Variants in SERINC5 observed in about 807,000 individuals in gnomAD.
The protein encoded by SERINC5 is chromosome 5 open reading frame 12.
In SERINC5, 41 loss-of-function variants were observed where a neutral mutation model predicts 63.1. That is an observed-to-expected ratio of 0.65 (90% CI 0.51 to 0.84). SERINC5 has a LOEUF of 0.84. Ranked by LOEUF, SERINC5 falls within the 40% of genes least tolerant of loss-of-function variation. The pLI is 0.00. For missense variants in SERINC5, 523 were observed against 573.0 expected, an observed-to-expected ratio of 0.91 and a Z score of 0.89; for synonymous variants, 222 against 215.2, an observed-to-expected ratio of 1.03 and a Z score of -0.28.
chr5:80,192,166 C>A lies in SERINC5; in HGVS notation c.195+10720G>T, dbSNP rs577240443. ...CTGGCTCTTTGTAAGAAAAGTCTGC[C>A]CCACCCCTGCGCTACTAGGAAGAAT... On this transcript the variant is annotated intron_variant, in intron 2 of 11. Coordinates refer to ENST00000507668, the MANE Select transcript of SERINC5 (RefSeq NM_001174072.3). Among the ~76,000 whole-genome samples the A allele has an allele frequency of 2.6e-5, 4 of 152,262 alleles. No individual in the cohort carries two copies. In the South Asian group the frequency reaches 8.3e-4, roughly 32 times the overall value.
At chr5:80,224,603 C>T (rs1338965740) in intron 1 of SERINC5, among the ~76,000 whole-genome samples, 1 of 152,022 alleles carries the variant, frequency 6.6e-6, no homozygotes, top group African/African-American at 2.4e-5. Flanking sequence ...ACAGAAGCAA[C>T]AGCTCTTGAA....
intron 1 of SERINC5, among the ~76,000 whole-genome samples, chr5:80,232,169 C>CTG (rs1167069139): frequency 0.011 from 1,591 of 150,288 alleles, 33 homozygotes; most frequent in African/African-American, 0.037. Flanking sequence ...TTTTGGGAGG[C>CTG]CAAGGCGGGC....
intron 1 of SERINC5, among the ~76,000 whole-genome samples, chr5:80,233,890 C>A (rs1320373728): frequency 7.1e-6 from 1 of 140,190 alleles, no homozygotes; most frequent in Non-Finnish European, 1.5e-5. Context: ...CGGCTCACTA[C>A]AACCTCTGCC....
intron 9 of SERINC5, among the ~76,000 whole-genome samples, chr5:80,148,672 A>T (rs1224903312): frequency 6.6e-6 from 1 of 151,964 alleles, no homozygotes; most frequent in African/African-American, 2.4e-5. Flanking sequence ...TGTCTCAAAA[A>T]AAAAAAAGCA....
At chr5:80,192,723 A>G (rs1749264727) in intron 2 of SERINC5, among the ~76,000 whole-genome samples, 1 of 152,144 alleles carries the variant, frequency 6.6e-6, no homozygotes, top group African/African-American at 2.4e-5. Context: ...AAATTTTAAA[A>G]CCACACCACC....
intron 1 of SERINC5, among the ~76,000 whole-genome samples, chr5:80,225,906 G>A (rs77079306): frequency 2.6e-4 from 40 of 152,246 alleles, no homozygotes; most frequent in Admixed American, 9.8e-4. Flanking sequence ...AGATGTGAGT[G>A]TCTTTGGTAA....
In SERINC5 at chr5:80,127,781, T is replaced by A. The variant is rs1030931; in HGVS notation, c.1239-14156A>T. 2.0e-3 allele frequency among the ~76,000 whole-genome samples: 302 copies of A among 152,218 alleles called. 2 individuals carry two copies. Among genetic ancestry groups the A allele is most frequent in the African/African-American group, 7.1e-3 (293 of 41,560 alleles). ...CTGGCTTGTAAATTTGATAAGGTAC[T>A]CCCAAATATTTATCAAACTTTCAGA... is the stretch of plus-strand genomic sequence containing the variant. On this transcript the variant is annotated intron_variant, in intron 11 of 12. Transcript: ENST00000509193.
intron 11 of SERINC5, chr5:80,113,658 G>A: frequency 3.9e-6 from 1 of 258,388 alleles, no homozygotes; most frequent in Non-Finnish European, 8.0e-6. Flanking sequence ...AAAAGAGGGA[G>A]AAGCAAAAGC....
chr5:80,133,021 G>C (rs1308570868), intron 11 of SERINC5, among the ~76,000 whole-genome samples: 1 of 152,108 alleles, frequency 6.6e-6, no homozygotes, highest in East Asian at 1.9e-4. Context: ...GAGGTGTCAT[G>C]GTTGCAGATC....
At chr5:80,212,170 A>T (rs1263317118) in intron 1 of SERINC5, among the ~76,000 whole-genome samples, 1 of 152,210 alleles carries the variant, frequency 6.6e-6, no homozygotes, top group East Asian at 1.9e-4. Flanking sequence ...GTTTTCTGTG[A>T]GCTACAAAAA....
At chr5:80,230,459 A>AAGAAAAAAAG (rs1554071007) in intron 1 of SERINC5, among the ~76,000 whole-genome samples, 3 of 128,630 alleles carry the variant, frequency 2.3e-5, no homozygotes, top group African/African-American at 9.4e-5. Flanking sequence ...AAAAAAAAAA[A>AAGAAAAAAAG]AAAGAAACCA....
At chr5:80,167,524 C>T (rs1747380769) in intron 6 of SERINC5, among the ~76,000 whole-genome samples, 1 of 152,098 alleles carries the variant, frequency 6.6e-6, no homozygotes, top group Admixed American at 6.5e-5. Flanking sequence ...CATATCTTTG[C>T]TATTGTGAAT....
chr5:80,235,814 G>A (rs1751662514), intron 1 of SERINC5, among the ~76,000 whole-genome samples: 1 of 152,010 alleles, frequency 6.6e-6, no homozygotes, highest in South Asian at 2.1e-4. Flanking sequence ...CACATTTGTT[G>A]GCATTTGCAT....
At chr5:80,163,994 C>T (rs898184488) in intron 7 of SERINC5, among the ~76,000 whole-genome samples, 3 of 152,106 alleles carry the variant, frequency 2.0e-5, no homozygotes, top group African/African-American at 7.2e-5. Context: ...TGACTCCATT[C>T]GGTCCTGGCT....
At chr5:80,213,171 A>C (rs1580175637) in intron 1 of SERINC5, among the ~76,000 whole-genome samples, 1 of 151,176 alleles carries the variant, frequency 6.6e-6, no homozygotes, top group Non-Finnish European at 1.5e-5. Flanking sequence ...GCTTGAACCC[A>C]GGAGGCGGAG....
In SERINC5 at chr5:80,178,001, C is replaced by T; in HGVS notation, c.259G>A (p.Gly87Arg). 1 of 1,612,528 alleles carries T rather than the reference C, an allele frequency of 6.2e-7. No individual in the cohort carries two copies. Among genetic ancestry groups the T allele is most frequent in the Non-Finnish European group, 8.5e-7 (1 of 1,179,200 alleles). ...KAGDTCEKLV[G>R]YSAVYRVCFG... ...CAGACTCTATACACGGCAGAATATC[C>T]CACCAGCTTCTCACAGGTGTCACCA... The change falls in exon 3 of 12, where the codon GGA becomes AGA. Residue 87 changes from glycine to arginine, a missense_variant. By Grantham distance (125) the Gly-to-Arg change is moderately radical (BLOSUM62 -2). Coordinates refer to ENST00000507668, the MANE Select transcript of SERINC5 (RefSeq NM_001174072.3).
chr5:80,238,119 AAAAG>A (rs1751787458), intron 1 of SERINC5, among the ~76,000 whole-genome samples: 1 of 150,928 alleles, frequency 6.6e-6, no homozygotes, highest in Admixed American at 6.6e-5. Flanking sequence ...AAAAAAAAAA[AAAAG>A]AAAAGAAAAA....
intron 2 of SERINC5, among the ~76,000 whole-genome samples, chr5:80,195,680 T>G (rs1177672436): frequency 6.6e-6 from 1 of 152,214 alleles, no homozygotes; most frequent in Non-Finnish European, 1.5e-5. Context: ...TCTCCCCAGT[T>G]TCAGAGTTTC....
chr5:80,247,451 C>T (rs1752214772), intron 1 of SERINC5, among the ~76,000 whole-genome samples: 1 of 152,160 alleles, frequency 6.6e-6, no homozygotes, highest in Non-Finnish European at 1.5e-5. Flanking sequence ...GGCTGCCTTC[C>T]ACGCCTACAG....
Sources: allele counts gnomAD v4.1 joint callset (sites outside exome capture counted in the v4.1 genomes callset), GRCh38; gene constraint gnomAD v4.1.1; transcripts MANE v1.5; gene names NCBI Gene and HGNC (gene_info 2026-07-23, HGNC 2026-07-21).